The following IGF2BP2 variants were observed in gnomAD, a reference collection of about 807,000 sequenced individuals.
The protein encoded by IGF2BP2 is insulin-like growth factor 2 mRNA-binding protein 2.
In IGF2BP2, 17 loss-of-function variants were observed where a neutral mutation model predicts 75.8. That is an observed-to-expected ratio of 0.22 (90% CI 0.15 to 0.34). The LOEUF is 0.34. Ranked by LOEUF, IGF2BP2 falls within the 10% of genes least tolerant of loss-of-function variation. IGF2BP2 has a pLI of 1.00. For synonymous variants in IGF2BP2, 288 were observed against 295.6 expected, an observed-to-expected ratio of 0.97 and a Z score of 0.26; for missense variants, 516 against 772.4, an observed-to-expected ratio of 0.67 and a Z score of 3.93.
intron 7 of IGF2BP2, among the ~76,000 whole-genome samples, chr3:185,677,045 A>ATG (rs1491219976): frequency 7.7e-5 from 1 of 12,918 alleles, no homozygotes; most frequent in Non-Finnish European, 1.2e-4. Flanking sequence ...ATATATGGAG[A>ATG]TATATATATA....
intron 2 of IGF2BP2, among the ~76,000 whole-genome samples, chr3:185,769,632 G>A (rs770069438): frequency 2.6e-5 from 4 of 151,712 alleles, no homozygotes; most frequent in Non-Finnish European, 5.9e-5. Context: ...GAGCCCAGGA[G>A]TTCAAGACCA....
At chr3:185,712,649 G>C (rs1322150521) in intron 2 of IGF2BP2, 1 of 151,970 alleles carries the variant, frequency 6.6e-6, no homozygotes, top group African/African-American at 2.4e-5. Flanking sequence ...AAACAGAACT[G>C]TTGCAAGGAG....
intron 7 of IGF2BP2, among the ~76,000 whole-genome samples, chr3:185,684,465 C>T (rs999985881): frequency 4.6e-5 from 7 of 151,666 alleles, no homozygotes; most frequent in Admixed American, 2.6e-4. Context: ...AGTGCAGTGG[C>T]GCGATCTCGG....
chr3:185,750,877 T>C (rs1340056432), intron 2 of IGF2BP2, among the ~76,000 whole-genome samples: 1 of 152,244 alleles, frequency 6.6e-6, no homozygotes, highest in Non-Finnish European at 1.5e-5. Context: ...CTTGAACACG[T>C]GTTTCCTCTG....
chr3:185,680,459 C>T (rs555591202), intron 7 of IGF2BP2, among the ~76,000 whole-genome samples: 2 of 152,246 alleles, frequency 1.3e-5, no homozygotes, highest in Middle Eastern at 3.4e-3. Context: ...TTCCATGAGG[C>T]CAGCTTTACC....
At chr3:185,766,966 C>G (rs1238583819) in intron 2 of IGF2BP2, among the ~76,000 whole-genome samples, 1 of 152,210 alleles carries the variant, frequency 6.6e-6, no homozygotes, top group Non-Finnish European at 1.5e-5. Flanking sequence ...GTCTTTTAGA[C>G]ATTCTCTCCA....
intron 10 of IGF2BP2, among the ~76,000 whole-genome samples, chr3:185,664,097 C>T (rs189894506): frequency 5.9e-5 from 9 of 152,322 alleles, no homozygotes; most frequent in African/African-American, 1.9e-4. Flanking sequence ...AGGTGCACTG[C>T]TCTATGCCAG....
In IGF2BP2 at chr3:185,645,836, G is replaced by C. The variant is rs992481277; in HGVS notation, c.1708-213C>G. On this transcript the variant is annotated intron_variant, in intron 15 of 15. Transcript: ENST00000382199. The surrounding 1 kb of genome is among the most constrained non-coding windows in gnomAD (Gnocchi z 4.9). ...CCTCCACTCCCACCCCAAGGTCCAGGGTAAGGGGATGGGACTCCGGCAGCT... is the reference window on the plus strand; with the variant it reads ...CCTCCACTCCCACCCCAAGGTCCAGCGTAAGGGGATGGGACTCCGGCAGCT... 1.2e-4 allele frequency among the ~76,000 whole-genome samples: 18 copies of C among 152,118 alleles called. No individual in the cohort carries two copies. The highest frequency in any genetic ancestry group is 6.6e-5 in the Admixed American group (1 of 15,266).
intron 2 of IGF2BP2, among the ~76,000 whole-genome samples, chr3:185,734,995 T>C (rs1560382031): frequency 6.6e-6 from 1 of 152,108 alleles, no homozygotes; most frequent in South Asian, 2.1e-4. Flanking sequence ...AAAGCACACA[T>C]AAGTGCTCAA....
At chr3:185,777,840 G>A (rs749655953) in intron 2 of IGF2BP2, among the ~76,000 whole-genome samples, 4 of 152,142 alleles carry the variant, frequency 2.6e-5, no homozygotes, top group Non-Finnish European at 4.4e-5. Flanking sequence ...TCAGGAGGTC[G>A]AGACCAACCC....
intron 2 of IGF2BP2, among the ~76,000 whole-genome samples, chr3:185,746,253 T>A (rs990805399): frequency 1.3e-5 from 2 of 152,092 alleles, no homozygotes; most frequent in African/African-American, 4.8e-5. Flanking sequence ...GCACCTTGAG[T>A]GGGCGGAGGG....
At chr3:185,815,582 C>T (rs936541641) in intron 2 of IGF2BP2, among the ~76,000 whole-genome samples, 3 of 152,152 alleles carry the variant, frequency 2.0e-5, no homozygotes, top group African/African-American at 7.2e-5. Flanking sequence ...TAGTCCAGTG[C>T]CTAGCACGTA....
At chr3:185,770,295 C>G (rs1332175156) in intron 2 of IGF2BP2, among the ~76,000 whole-genome samples, 1 of 152,144 alleles carries the variant, frequency 6.6e-6, no homozygotes. Context: ...GACCGGCCAA[C>G]CCGAGGGAGC....
intron 2 of IGF2BP2, among the ~76,000 whole-genome samples, chr3:185,751,211 A>C (rs879537909): frequency 3.9e-5 from 6 of 152,216 alleles, no homozygotes; most frequent in Non-Finnish European, 5.9e-5. Context: ...GTAACATTAT[A>C]AAATCATACA....
intron 2 of IGF2BP2, chr3:185,716,958 T>C (rs2149445632): frequency 2.5e-6 from 1 of 398,298 alleles, no homozygotes; most frequent in East Asian, 6.5e-5. Context: ...GATTTTCTCA[T>C]CCCACCACCC....
chr3:185,721,454 G>A (rs1159234992), intron 2 of IGF2BP2, among the ~76,000 whole-genome samples: 3 of 152,122 alleles, frequency 2.0e-5, no homozygotes, highest in South Asian at 2.1e-4. Flanking sequence ...CGCCCGCCTC[G>A]GCCTCCCAAA....
At chr3:185,672,483 T>C in intron 10 of IGF2BP2, 58 bp downstream of exon 10, 1 of 1,556,910 alleles carries the variant, frequency 6.4e-7, no homozygotes, top group Non-Finnish European at 8.7e-7. Context: ...AGCAGAGGCA[T>C]GCTGCTGCCT....
intron 2 of IGF2BP2, among the ~76,000 whole-genome samples, chr3:185,766,229 C>A (rs1560435892): frequency 6.6e-6 from 1 of 152,104 alleles, no homozygotes; most frequent in Non-Finnish European, 1.5e-5. Context: ...ACTATTTAGA[C>A]AATATCATCA....
chr3:185,659,024 G>T (rs893266248), intron 10 of IGF2BP2, among the ~76,000 whole-genome samples: 1 of 152,072 alleles, frequency 6.6e-6, no homozygotes, highest in Non-Finnish European at 1.5e-5. Flanking sequence ...AGACTAGCCT[G>T]GGTGACACAG....
Sources: allele counts gnomAD v4.1 joint callset (sites outside exome capture counted in the v4.1 genomes callset), GRCh38; gene constraint gnomAD v4.1.1; non-coding constraint Gnocchi (gnomAD v3.1); transcripts MANE v1.5; gene names NCBI Gene and HGNC (gene_info 2026-07-23, HGNC 2026-07-21).